The following ZBTB20 variants were observed in gnomAD, a reference collection of about 807,000 sequenced individuals.
ZBTB20 encodes the protein zinc finger and BTB domain-containing protein 20.
A neutral mutation model predicts 56.9 loss-of-function variants in ZBTB20; 9 were observed. That is an observed-to-expected ratio of 0.16 (90% CI 0.10 to 0.28). The LOEUF is 0.28. Ranked by LOEUF, ZBTB20 falls within the 10% of genes least tolerant of loss-of-function variation. The probability of loss-of-function intolerance (pLI) is 1.00; values close to 1 mark genes in which losing one functional copy is unlikely to be tolerated. For synonymous variants in ZBTB20, 417 were observed against 420.7 expected, an observed-to-expected ratio of 0.99 and a Z score of 0.11; for missense variants, 655 against 1,003.0, an observed-to-expected ratio of 0.65 and a Z score of 4.69.
At chr3:114,755,653 A>G (rs1578723618) in intron 5 of ZBTB20, among the ~76,000 whole-genome samples, 1 of 152,044 alleles carries the variant, frequency 6.6e-6, no homozygotes, top group Non-Finnish European at 1.5e-5. Flanking sequence ...TTACTGCGTT[A>G]ATGGTGTCCT....
chr3:114,867,339 CAAGCTGACTAGA>C (rs1305358536), intron 4 of ZBTB20, among the ~76,000 whole-genome samples: 2 of 152,134 alleles, frequency 1.3e-5, no homozygotes, highest in Non-Finnish European at 2.9e-5. Flanking sequence ...ACCATGATAG[CAAGCTGACTAGA>C]AATATAGATG....
chr3:114,580,629 G>A lies in ZBTB20; in HGVS notation c.-294-80238C>T, dbSNP rs113396077. On this transcript the variant is annotated intron_variant, in intron 6 of 11. Transcript: ENST00000675478. Reference sequence around the variant, plus strand: ...CCAGTTTAGTTATTCAAAGTAGTAAGAGAGCTCAGCAAAGTTGCTGAATAT... The same window carrying A: ...CCAGTTTAGTTATTCAAAGTAGTAAAAGAGCTCAGCAAAGTTGCTGAATAT... 2.2e-3 allele frequency among the ~76,000 whole-genome samples: 333 copies of A among 151,908 alleles called. 4 individuals carry two copies. The highest frequency in any genetic ancestry group is 7.7e-3 in the African/African-American group (319 of 41,552).
chr3:114,684,032 C>A (rs2062163800), intron 6 of ZBTB20, among the ~76,000 whole-genome samples: 1 of 152,088 alleles, frequency 6.6e-6, no homozygotes, highest in African/African-American at 2.4e-5. Context: ...ATATTCCAAA[C>A]AAGTTGTCTC....
chr3:114,751,196 A>T (rs2067533234), intron 5 of ZBTB20, among the ~76,000 whole-genome samples: 1 of 152,202 alleles, frequency 6.6e-6, no homozygotes, highest in Non-Finnish European at 1.5e-5. Context: ...CAGGACTTTT[A>T]TGTGTTATTA....
chr3:115,011,761 A>T (rs2108264235), intron 2 of ZBTB20, among the ~76,000 whole-genome samples: 1 of 152,036 alleles, frequency 6.6e-6, no homozygotes, highest in South Asian at 2.1e-4. Flanking sequence ...ACAACACAGA[A>T]CATTTTAATA....
chr3:114,514,466 G>T (rs937416587), intron 6 of ZBTB20, among the ~76,000 whole-genome samples: 2 of 152,268 alleles, frequency 1.3e-5, no homozygotes, highest in South Asian at 2.1e-4. Flanking sequence ...CTTTTCTTAC[G>T]AATACCAGAG....
At chr3:115,010,402 C>A (rs1009727094) in intron 2 of ZBTB20, among the ~76,000 whole-genome samples, 2 of 151,902 alleles carry the variant, frequency 1.3e-5, no homozygotes, top group Non-Finnish European at 2.9e-5. Flanking sequence ...CTCCACCCTG[C>A]AAAGGAGCTT....
At chr3:114,640,793 T>C (rs1341032289) in intron 6 of ZBTB20, among the ~76,000 whole-genome samples, 1 of 152,082 alleles carries the variant, frequency 6.6e-6, no homozygotes, top group African/African-American at 2.4e-5. Flanking sequence ...CATTATTAAT[T>C]TAATCTCAGA....
At chr3:114,631,244 C>T (rs1351660907) in intron 6 of ZBTB20, among the ~76,000 whole-genome samples, 2 of 151,698 alleles carry the variant, frequency 1.3e-5, no homozygotes, top group South Asian at 2.1e-4. Flanking sequence ...CAACCAAAAG[C>T]TTTGAGAGAG....
At chr3:114,645,672 G>A (rs1422258593) in intron 6 of ZBTB20, among the ~76,000 whole-genome samples, 1 of 152,152 alleles carries the variant, frequency 6.6e-6, no homozygotes, top group Non-Finnish European at 1.5e-5. Flanking sequence ...GAGATGTAAT[G>A]TGACTCCTTA....
Position 114,743,750 on chromosome 3 carries a change from C to T in ZBTB20, c.-342-50175G>A, listed in dbSNP as rs944330638. On this transcript the variant is annotated intron_variant, in intron 5 of 11. Coordinates refer to ENST00000675478, the MANE Select transcript of ZBTB20 (RefSeq NM_001348800.3). ...TAATTCTGACCACCTCCAGCTGACTCTGATGTATCCACCTCCATGGGGTTG... is the reference window on the plus strand; with the variant it reads ...TAATTCTGACCACCTCCAGCTGACTTTGATGTATCCACCTCCATGGGGTTG... 3 of 153,136 alleles carry T rather than the reference C, an allele frequency of 2.0e-5. No homozygotes were observed. The Admixed American group carries it at 2.0e-4, about 10-fold the overall frequency. The allele number at this position is 153,136 out of a possible 1,614,324, so 9.5% of individuals were successfully genotyped here.
intron 11 of ZBTB20, among the ~76,000 whole-genome samples, chr3:114,340,790 T>C (rs924761891): frequency 6.6e-6 from 1 of 152,202 alleles, no homozygotes; most frequent in Non-Finnish European, 1.5e-5. Flanking sequence ...CTCCTTAGGA[T>C]AATATTTCAA....
At chr3:114,869,686 T>G (rs2075907643) in intron 4 of ZBTB20, among the ~76,000 whole-genome samples, 1 of 152,240 alleles carries the variant, frequency 6.6e-6, no homozygotes, top group Admixed American at 6.5e-5. Flanking sequence ...CAAGTCTTTC[T>G]GATTTTCTCA....
intron 7 of ZBTB20, among the ~76,000 whole-genome samples, chr3:114,426,337 C>CAAAAAAA (rs60778829): frequency 1.5e-4 from 16 of 109,516 alleles, no homozygotes; most frequent in East Asian, 7.4e-4. Flanking sequence ...GACTCCATCT[C>CAAAAAAA]AAAAAAAAAA....
intron 6 of ZBTB20, among the ~76,000 whole-genome samples, chr3:114,639,044 G>A (rs1226353896): frequency 1.3e-5 from 2 of 152,036 alleles, no homozygotes; most frequent in East Asian, 3.9e-4. Flanking sequence ...AATGCTACAG[G>A]CTCCTTAGCA....
At chr3:114,504,444 T>A (rs1306093496) in intron 6 of ZBTB20, among the ~76,000 whole-genome samples, 1 of 152,204 alleles carries the variant, frequency 6.6e-6, no homozygotes, top group Non-Finnish European at 1.5e-5. Context: ...GCTGTCTTCC[T>A]GGAGGGTCAG....
intron 6 of ZBTB20, among the ~76,000 whole-genome samples, chr3:114,643,946 G>C (rs1178453636): frequency 6.6e-6 from 1 of 151,878 alleles, no homozygotes; most frequent in Non-Finnish European, 1.5e-5. Flanking sequence ...CTCCTTAACA[G>C]TGAGATTCTA....
intron 6 of ZBTB20, among the ~76,000 whole-genome samples, chr3:114,611,216 T>A (rs948392621): frequency 6.6e-6 from 1 of 152,154 alleles, no homozygotes; most frequent in South Asian, 2.1e-4. Flanking sequence ...GGAGAACACA[T>A]AGAAGAAGAG....
intron 4 of ZBTB20, among the ~76,000 whole-genome samples, chr3:114,883,826 T>A (rs2076488561): frequency 6.6e-6 from 1 of 151,700 alleles, no homozygotes; most frequent in Non-Finnish European, 1.5e-5. Flanking sequence ...AGTTCATTCC[T>A]TCATTTCTGG....
Sources: gnomAD v4.1 joint callset for allele counts (sites outside exome capture counted in the v4.1 genomes callset) on GRCh38, gnomAD v4.1.1 for gene constraint, MANE v1.5 for transcripts, NCBI Gene and HGNC (gene_info 2026-07-23, HGNC 2026-07-21) for gene names.